Variants in GTF2I observed in about 807,000 individuals in gnomAD.
GTF2I encodes general transcription factor IIi.
Under a neutral mutation model 67.6 loss-of-function variants are expected in GTF2I, and 12 were observed. That is an observed-to-expected ratio of 0.18 (90% CI 0.11 to 0.29). GTF2I has a LOEUF of 0.29. Among genes scored for constraint, GTF2I ranks in the 10% least tolerant of loss-of-function variants. The pLI, the probability that GTF2I is intolerant of heterozygous loss-of-function variation, is 1.00. For synonymous variants in GTF2I, 149 were observed against 197.0 expected (o/e 0.76, Z 2.04); for missense variants, 271 against 580.1 (o/e 0.47, Z 5.47).
At chr7:74,693,686 A>C (rs1288925564) in intron 3 of GTF2I, among the ~76,000 whole-genome samples, 1 of 152,066 alleles carries the variant, frequency 6.6e-6, no homozygotes, top group African/African-American at 2.4e-5. Flanking sequence ...CTCTACTAAA[A>C]ATACAAAAAA....
chr7:74,721,522 A>G (rs186012568), intron 12 of GTF2I, among the ~76,000 whole-genome samples: 1 of 152,148 alleles, frequency 6.6e-6, no homozygotes, highest in African/African-American at 2.4e-5. Flanking sequence ...GCATATACAC[A>G]CACACATTTT....
At chr7:74,671,993 A>T (rs2131220076) in intron 1 of GTF2I, among the ~76,000 whole-genome samples, 1 of 152,142 alleles carries the variant, frequency 6.6e-6, no homozygotes, top group Admixed American at 6.6e-5. Flanking sequence ...CAAAAAAAAA[A>T]ATTCAAACCC....
intron 1 of GTF2I, chr7:74,688,923 C>T: frequency 2.0e-6 from 1 of 495,584 alleles, no homozygotes; most frequent in Non-Finnish European, 3.6e-6. Context: ...CTGGAAATAA[C>T]AATATATAGA....
chr7:74,722,606 TC>T (rs1277823680), intron 12 of GTF2I: 2 of 152,162 alleles, frequency 1.3e-5, no homozygotes, highest in Admixed American at 6.5e-5. Context: ...CTGATTTTTT[TC>T]CCTTAAATTG....
At chr7:74,721,763 A>G (rs1554404679) in intron 12 of GTF2I, among the ~76,000 whole-genome samples, 2 of 152,062 alleles carry the variant, frequency 1.3e-5, no homozygotes, top group African/African-American at 4.8e-5. Context: ...AAATTTTGGT[A>G]TATCTTCATA....
chr7:74,716,238 G>A (rs1475257125), intron 10 of GTF2I, among the ~76,000 whole-genome samples: 2 of 152,050 alleles, frequency 1.3e-5, no homozygotes, highest in African/African-American at 2.4e-5. Context: ...TTCTGCTCTA[G>A]TAGGATGAGC....
intron 3 of GTF2I, 90 bp downstream of exon 3, chr7:74,691,201 T>C (rs1788261824): frequency 3.0e-6 from 3 of 999,468 alleles, no homozygotes; most frequent in South Asian, 1.7e-5. Context: ...TCTTTCTTTC[T>C]TTCTTTCTTT....
At position 74,706,066 on chromosome 7, in the gene GTF2I, A is replaced by G. The variant is rs587651217; in HGVS notation, c.642-324A>G. Among the ~76,000 whole-genome samples the G allele has an allele frequency of 1.2e-4, 17 of 146,076 alleles. No homozygotes were observed. The East Asian group carries it at 3.1e-3, about 27-fold the overall frequency. ...CTCCCGGATTCAAGTGATTCAGGTG[A>G]GCGCCACCACGCCTGGCTAATTTTT... On this transcript the variant is annotated intron_variant, in intron 7 of 34. Coordinates refer to ENST00000573035, the MANE Select transcript of GTF2I (RefSeq NM_032999.4).
chr7:74,706,559 T>G, intron 8 of GTF2I, 126 bp downstream of exon 8: 2 of 676,160 alleles, frequency 3.0e-6, no homozygotes, highest in Admixed American at 2.5e-5. Flanking sequence ...TACTAATGTA[T>G]TCCAACTGTG....
intron 1 of GTF2I, among the ~76,000 whole-genome samples, chr7:74,682,133 A>G (rs1248275302): frequency 6.6e-6 from 1 of 152,194 alleles, no homozygotes; most frequent in Non-Finnish European, 1.5e-5. Flanking sequence ...TAAATGAAGC[A>G]ATAAAAGTTC....
intron 12 of GTF2I, among the ~76,000 whole-genome samples, chr7:74,720,284 G>GCTGT (rs1554404333): frequency 1.3e-5 from 2 of 151,884 alleles, no homozygotes; most frequent in African/African-American, 4.8e-5. Context: ...TTCTTGGTTT[G>GCTGT]CTGTCTGTCT....
At chr7:74,749,153 CAG>C (rs1298690177) in intron 25 of GTF2I, 63 bp downstream of exon 25, 14 of 289,344 alleles carry the variant, frequency 4.8e-5, no homozygotes, top group Admixed American at 2.9e-4. Flanking sequence ...TAGGAGGGAG[CAG>C]AGTGGGATAC....
chr7:74,660,836 G>A (rs1466031756), intron 1 of GTF2I, among the ~76,000 whole-genome samples: 5 of 150,540 alleles, frequency 3.3e-5, no homozygotes, highest in African/African-American at 1.2e-4. Context: ...TGGGTGTTGA[G>A]CTCGTAGGGG....
chr7:74,719,703 T>C (rs1554404206), intron 12 of GTF2I, among the ~76,000 whole-genome samples: 1 of 152,174 alleles, frequency 6.6e-6, no homozygotes, highest in East Asian at 1.9e-4. Flanking sequence ...GCAGATCACC[T>C]GAGGTCGGGA....
intron 1 of GTF2I, among the ~76,000 whole-genome samples, chr7:74,665,901 C>T (rs371394421): frequency 9.2e-5 from 14 of 152,048 alleles, no homozygotes; most frequent in African/African-American, 3.4e-4. Flanking sequence ...TGGCGGGATC[C>T]CAGCTCATTG....
chr7:74,690,803 T>G (rs868943406), intron 2 of GTF2I, among the ~76,000 whole-genome samples, 170 bp from the exon 3 acceptor site: 2 of 150,012 alleles, frequency 1.3e-5, no homozygotes, highest in African/African-American at 2.4e-5. Flanking sequence ...GGGAATTGTG[T>G]TTTTTTTTTC....
chr7:74,724,180 A>G (rs1221109680), intron 12 of GTF2I, among the ~76,000 whole-genome samples: 1 of 152,192 alleles, frequency 6.6e-6, no homozygotes, highest in Non-Finnish European at 1.5e-5. Context: ...CCAATTGTTT[A>G]TGTAAAGAGT....
chr7:74,693,265 A>ATTTTT (rs1158949751), intron 3 of GTF2I, among the ~76,000 whole-genome samples: 6 of 83,020 alleles, frequency 7.2e-5, no homozygotes, highest in Non-Finnish European at 1.4e-4. Flanking sequence ...CTGTAGTGGA[A>ATTTTT]TTTTTTTTTT....
chr7:74,692,590 A>G (rs1554397327), intron 3 of GTF2I, among the ~76,000 whole-genome samples: 1 of 152,158 alleles, frequency 6.6e-6, no homozygotes. Context: ...GGGTTTTAAT[A>G]CCCACAGCCT....
Sources: gnomAD v4.1 joint callset for allele counts (sites outside exome capture counted in the v4.1 genomes callset) on GRCh38, gnomAD v4.1.1 for gene constraint, MANE v1.5 for transcripts, NCBI Gene and HGNC (gene_info 2026-07-23, HGNC 2026-07-21) for gene names.